Variants in PALM2AKAP2 observed in about 807,000 individuals in gnomAD.
The protein encoded by PALM2AKAP2 is PALM2-AKAP2 fusion protein.
In PALM2AKAP2, 37 loss-of-function variants were observed where a neutral mutation model predicts 71.5. That is an observed-to-expected ratio of 0.52 (90% CI 0.40 to 0.68). The LOEUF is 0.68. PALM2AKAP2 is among the 30% of genes least tolerant of loss of function. The pLI, the probability that PALM2AKAP2 is intolerant of heterozygous loss-of-function variation, is 0.00. For missense variants in PALM2AKAP2, 1,224 were observed against 1,191.8 expected, an observed-to-expected ratio of 1.03 and a Z score of -0.40; for synonymous variants, 468 against 478.8, an observed-to-expected ratio of 0.98 and a Z score of 0.29.
exon 7 of PALM2AKAP2, chr9:110,015,989 G>C (rs1165255061): frequency 6.2e-7 from 1 of 1,614,074 alleles, no homozygotes; most frequent in Non-Finnish European, 8.5e-7. Flanking sequence ...AAAGGAAGGT[G>C]AGTCAGCCTC....
chr9:110,139,168 A>G (rs1049646570), intron 2 of PALM2AKAP2, among the ~76,000 whole-genome samples: 1 of 152,218 alleles, frequency 6.6e-6, no homozygotes, highest in Non-Finnish European at 1.5e-5. Flanking sequence ...GGAAAAGTTG[A>G]ATTACTCTTC....
intron 6 of PALM2AKAP2, among the ~76,000 whole-genome samples, chr9:109,936,667 C>T (rs756694256): frequency 3.3e-5 from 5 of 152,174 alleles, no homozygotes; most frequent in Admixed American, 2.0e-4. Flanking sequence ...CTGTACTTTA[C>T]GCATCACTGA....
chr9:109,694,558 T>C (rs1181974673), intron 1 of PALM2AKAP2, among the ~76,000 whole-genome samples: 2 of 152,044 alleles, frequency 1.3e-5, no homozygotes, highest in African/African-American at 2.4e-5. Flanking sequence ...TATTAAGAGA[T>C]AGAAAAGTTT....
intron 3 of PALM2AKAP2, among the ~76,000 whole-genome samples, chr9:109,909,742 G>A (rs1830527621): frequency 6.6e-6 from 1 of 152,232 alleles, no homozygotes. Context: ...TGATACCTGA[G>A]CAGATGCTTT....
intron 1 of PALM2AKAP2, among the ~76,000 whole-genome samples, chr9:109,764,852 A>C (rs1829124266): frequency 6.6e-6 from 1 of 152,326 alleles, no homozygotes; most frequent in South Asian, 2.1e-4. Context: ...TGAGTCAGGA[A>C]TCATTTGGAA....
At chr9:109,675,838 A>G (rs1435319861) in intron 1 of PALM2AKAP2, among the ~76,000 whole-genome samples, 2 of 152,184 alleles carry the variant, frequency 1.3e-5, no homozygotes, top group Non-Finnish European at 2.9e-5. Context: ...TGTGCTAGTC[A>G]ACACTTACCT....
At chr9:110,055,013 C>T (rs1469583021) in intron 1 of PALM2AKAP2, among the ~76,000 whole-genome samples, 1 of 152,154 alleles carries the variant, frequency 6.6e-6, no homozygotes, top group Admixed American at 6.5e-5. Flanking sequence ...CCCGCCCCTA[C>T]CCGCCAGCTG....
exon 2 of PALM2AKAP2, chr9:110,138,373 G>A (rs1835947245): frequency 6.2e-7 from 1 of 1,614,254 alleles, no homozygotes; most frequent in Non-Finnish European, 8.5e-7. Flanking sequence ...TCAAGCTGAG[G>A]TCCAGGAAAC....
At chr9:109,782,527 G>A (rs1035842112) in intron 1 of PALM2AKAP2, among the ~76,000 whole-genome samples, 4 of 152,206 alleles carry the variant, frequency 2.6e-5, no homozygotes, top group African/African-American at 4.8e-5. Flanking sequence ...TGTTTACGTC[G>A]CATTTACAGT....
In PALM2AKAP2 at chr9:109,846,078, G is replaced by A. The variant is rs1359769435; in HGVS notation, c.46-21413G>A. ...GGGCAGTGTGATTCCTTTAGATTGG[G>A]TGAATCAGGGTGATGGCTTTTCAGT... On this transcript the variant is annotated intron_variant, in intron 1 of 9. Transcript: ENST00000302798. Among the ~76,000 whole-genome samples, 4 of 152,186 alleles carry A rather than the reference G, an allele frequency of 2.6e-5. No homozygotes were observed. In the South Asian group the frequency reaches 6.2e-4, roughly 24 times the overall value.
intron 3 of PALM2AKAP2, among the ~76,000 whole-genome samples, chr9:109,914,334 C>T (rs1830638369): frequency 6.6e-6 from 1 of 152,252 alleles, no homozygotes; most frequent in Non-Finnish European, 1.5e-5. Flanking sequence ...ATAGCACTTT[C>T]ACTTACATGC....
In PALM2AKAP2 at chr9:109,719,082, A is replaced by G. The variant is rs572085013; in HGVS notation, c.6-61406A>G. The stretch of plus-strand genomic sequence containing the variant: ...ACTCTGGAATTTAATCATCTCTTAT[A>G]AAAAAATAAACAATTTTTGAAAATT... On this transcript the variant is annotated intron_variant, in intron 1 of 6. Transcript: ENST00000374531. Among the ~76,000 whole-genome samples, 3 of 152,282 alleles carry G rather than the reference A, an allele frequency of 2.0e-5. No individual in the cohort carries two copies. The South Asian group carries it at 6.2e-4, about 32-fold the overall frequency.
intron 2 of PALM2AKAP2, among the ~76,000 whole-genome samples, chr9:110,151,551 A>G (rs1244772363): frequency 6.6e-6 from 1 of 152,112 alleles, no homozygotes; most frequent in Non-Finnish European, 1.5e-5. Context: ...TTGACCAAAG[A>G]TTTTTTTCTT....
chr9:109,720,142 C>T (rs1234127965), intron 1 of PALM2AKAP2, among the ~76,000 whole-genome samples: 1 of 152,116 alleles, frequency 6.6e-6, no homozygotes, highest in Non-Finnish European at 1.5e-5. Flanking sequence ...GCACATGCTA[C>T]TGCGCCCAGC....
intron 5 of PALM2AKAP2, among the ~76,000 whole-genome samples, chr9:109,925,771 C>T (rs1409017394): frequency 1.3e-5 from 2 of 152,168 alleles, no homozygotes; most frequent in African/African-American, 4.8e-5. Context: ...AGATTGTGTA[C>T]TTCTCACCCT....
intron 6 of PALM2AKAP2, among the ~76,000 whole-genome samples, chr9:110,001,458 G>C (rs574660566): frequency 6.6e-6 from 1 of 152,160 alleles, no homozygotes; most frequent in Non-Finnish European, 1.5e-5. Context: ...GACGCCTCCA[G>C]CTTTGTTCTT....
intron 1 of PALM2AKAP2, among the ~76,000 whole-genome samples, chr9:110,084,392 G>A (rs999395967): frequency 2.0e-5 from 3 of 152,152 alleles, no homozygotes; most frequent in Non-Finnish European, 4.4e-5. Flanking sequence ...TCTCCATATT[G>A]AGAAGTTAAT....
At chr9:110,011,015 ATAT>A (rs1373538495) in intron 6 of PALM2AKAP2, among the ~76,000 whole-genome samples, 9 of 41,632 alleles carry the variant, frequency 2.2e-4, no homozygotes, top group African/African-American at 8.7e-4. Flanking sequence ...AAAAAAAAAA[ATAT>A]ATATATATAT....
intron 1 of PALM2AKAP2, among the ~76,000 whole-genome samples, chr9:109,712,418 T>C (rs1251894817): frequency 6.6e-6 from 1 of 152,232 alleles, no homozygotes; most frequent in Non-Finnish European, 1.5e-5. Flanking sequence ...GTGATACTAA[T>C]AGACTTATGG....
Sources: gnomAD v4.1 joint callset for allele counts (sites outside exome capture counted in the v4.1 genomes callset) on GRCh38, gnomAD v4.1.1 for gene constraint, MANE v1.5 for transcripts, NCBI Gene and HGNC (gene_info 2026-07-23, HGNC 2026-07-21) for gene names.